Variants in RAB5C observed in about 807,000 individuals in gnomAD.
The protein encoded by RAB5C is RAB5C, member RAS oncogene family, also known as ras-related protein Rab-5C.
Under a neutral mutation model 25.2 loss-of-function variants are expected in RAB5C, and 4 were observed. That is an observed-to-expected ratio of 0.16 (90% CI 0.08 to 0.36). The LOEUF is 0.36. Among genes scored for constraint, RAB5C ranks in the 10% least tolerant of loss-of-function variants. The probability of loss-of-function intolerance (pLI) is 1.00; values close to 1 mark genes in which losing one functional copy is unlikely to be tolerated. For missense variants in RAB5C, 199 were observed against 283.8 expected, an observed-to-expected ratio of 0.70 and a Z score of 2.15; for synonymous variants, 100 against 106.4, an observed-to-expected ratio of 0.94 and a Z score of 0.37.
chr17:42,125,932 G>T, intron 5 of RAB5C, 34 bp from the exon 6 acceptor site: 2 of 1,509,014 alleles, frequency 1.3e-6, no homozygotes, highest in Non-Finnish European at 1.8e-6. Flanking sequence ...ATTTGTTGGG[G>T]GTACCCCAAT....
At chr17:42,152,027 G>A (rs1046274949) in intron 1 of RAB5C, among the ~76,000 whole-genome samples, 1 of 151,964 alleles carries the variant, frequency 6.6e-6, no homozygotes, top group African/African-American at 2.4e-5. Context: ...CCAAGCCCCA[G>A]CTCTACTACT....
rs143127260 is a variant in RAB5C at position 42,139,659 on chromosome 17, A to C, written c.-88-9069T>G. Among the ~76,000 whole-genome samples the C allele has an allele frequency of 2.9e-3, 439 of 152,244 alleles. 4 individuals are homozygous for C. Among genetic ancestry groups the C allele is most frequent in the African/African-American group, 0.01 (429 of 41,530 alleles). On this transcript the variant is annotated intron_variant, in intron 1 of 5. Transcript: ENST00000346213. ...TATTTTTTAGTAGAGATGGGGTTTC[A>C]CCATGTTAGTCAGGATGGTCTCGAT...
At chr17:42,151,622 G>A (rs959546310) in intron 1 of RAB5C, among the ~76,000 whole-genome samples, 9 of 120,374 alleles carry the variant, frequency 7.5e-5, no homozygotes, top group Admixed American at 5.0e-4. Context: ...CCAGAGGCCC[G>A]CTCTGTTGCT....
At chr17:42,128,456 C>G (rs2144062000) in intron 3 of RAB5C, 73 bp from the exon 4 acceptor site, 1 of 1,523,280 alleles carries the variant, frequency 6.6e-7, no homozygotes, top group East Asian at 2.4e-5. Flanking sequence ...TAGAGACTCT[C>G]AAGCTGGCAC....
intron 1 of RAB5C, among the ~76,000 whole-genome samples, chr17:42,148,418 A>AAAG (rs2079650386): frequency 1.3e-5 from 2 of 151,588 alleles, no homozygotes; most frequent in Admixed American, 1.3e-4. Flanking sequence ...AAAAAAAAAA[A>AAAG]AAAAAAAAGA....
intron 1 of RAB5C, among the ~76,000 whole-genome samples, chr17:42,147,862 C>T (rs1406309374): frequency 1.3e-5 from 2 of 151,798 alleles, no homozygotes; most frequent in African/African-American, 2.4e-5. Context: ...TTTGGGAGGC[C>T]GAGGCGGGTG....
At chr17:42,142,019 A>AC (rs2079605733) in intron 1 of RAB5C, among the ~76,000 whole-genome samples, 1 of 152,072 alleles carries the variant, frequency 6.6e-6, no homozygotes, top group African/African-American at 2.4e-5. Flanking sequence ...AGTTTCCTAG[A>AC]AGATACTCAG....
intron 1 of RAB5C, among the ~76,000 whole-genome samples, chr17:42,143,627 T>A (rs1227523568): frequency 0.014 from 2,122 of 151,980 alleles, 28 homozygotes; most frequent in African/African-American, 0.042. Context: ...ACAGAGTGAG[T>A]CTGTCTCCAA....
intron 5 of RAB5C, among the ~76,000 whole-genome samples, chr17:42,126,313 G>A (rs983582130): frequency 5.3e-5 from 8 of 152,108 alleles, no homozygotes; most frequent in African/African-American, 1.9e-4. Context: ...AGGTGATGAT[G>A]AAAACAATTT....
At position 42,130,513 on chromosome 17, in the gene RAB5C, G is replaced by A. The variant is rs1185414734; in HGVS notation, c.-11C>T. On this transcript the variant is annotated 5_prime_UTR_variant, in exon 2 of 6. Transcript: ENST00000346213. ...TCCCCGACCCGCCATTGCCCGTCCAGCTGTAGTGGTCCAGAGAGCGTGCGG... is the reference window on the plus strand; with the variant it reads ...TCCCCGACCCGCCATTGCCCGTCCAACTGTAGTGGTCCAGAGAGCGTGCGG... 3.7e-6 allele frequency: 6 copies of A among 1,613,896 alleles called. No individual in the cohort carries two copies. Among genetic ancestry groups the A allele is most frequent in the Non-Finnish European group, 5.1e-6 (6 of 1,179,992 alleles).
intron 1 of RAB5C, among the ~76,000 whole-genome samples, chr17:42,133,948 T>C (rs554969809): frequency 6.6e-6 from 1 of 152,342 alleles, no homozygotes; most frequent in South Asian, 2.1e-4. Flanking sequence ...GCCTGGTCAC[T>C]GATCCTGCCT....
At chr17:42,134,432 G>A (rs2054516020) in intron 1 of RAB5C, among the ~76,000 whole-genome samples, 1 of 152,064 alleles carries the variant, frequency 6.6e-6, no homozygotes, top group South Asian at 2.1e-4. Flanking sequence ...TTTTAAATTA[G>A]CCAACGTGGT....
chr17:42,137,438 A>G (rs1445187969), intron 1 of RAB5C, among the ~76,000 whole-genome samples: 3 of 152,228 alleles, frequency 2.0e-5, no homozygotes, highest in Non-Finnish European at 4.4e-5. Context: ...ACTATTATAC[A>G]TAAGTCACAT....
At chr17:42,131,610 A>C (rs1262216596) in intron 1 of RAB5C, 1 of 1,534,488 alleles carries the variant, frequency 6.5e-7, no homozygotes, top group Admixed American at 2.0e-5. Context: ...TAGAGACCTC[A>C]GTTCCATTCT....
Position 42,130,601 on chromosome 17 carries a change from G to C in RAB5C, c.-88-11C>G. 6.4e-7 allele frequency: 1 copy of C among 1,554,372 alleles called. No individual in the cohort carries two copies. The highest frequency in any genetic ancestry group is 8.7e-7 in the Non-Finnish European group (1 of 1,150,022). On this transcript the variant is annotated splice_polypyrimidine_tract_variant and intron_variant, in intron 1 of 5. Coordinates refer to ENST00000346213, the MANE Select transcript of RAB5C (RefSeq NM_004583.4). ...GAGGGGGACCTCCAACTGTAAGGGA[G>C]AAATGAGAAGTACTGAGTTAGTTCA...
intron 1 of RAB5C, among the ~76,000 whole-genome samples, chr17:42,145,749 CTG>C (rs2079631607): frequency 6.6e-6 from 1 of 152,202 alleles, no homozygotes; most frequent in South Asian, 2.1e-4. Context: ...GAGCAAGACT[CTG>C]TTAAAAAGAG....
chr17:42,125,973 G>A, intron 5 of RAB5C, 75 bp from the exon 6 acceptor site: 2 of 1,134,510 alleles, frequency 1.8e-6, no homozygotes, highest in Non-Finnish European at 2.6e-6. Flanking sequence ...AGCAGATTCT[G>A]GCCTTTATAC....
At chr17:42,152,845 G>T (rs544849163) in intron 1 of RAB5C, among the ~76,000 whole-genome samples, 1 of 152,072 alleles carries the variant, frequency 6.6e-6, no homozygotes, top group Admixed American at 6.5e-5. Flanking sequence ...AGAAAAGAAG[G>T]TCTCCTCAGA....
intron 1 of RAB5C, among the ~76,000 whole-genome samples, chr17:42,144,349 C>G (rs989977213): frequency 6.6e-6 from 1 of 151,872 alleles, no homozygotes; most frequent in African/African-American, 2.4e-5. Flanking sequence ...CCCAGCTACT[C>G]GGGAGGCTCA....
Sources: gnomAD v4.1 joint callset for allele counts (sites outside exome capture counted in the v4.1 genomes callset) on GRCh38, gnomAD v4.1.1 for gene constraint, MANE v1.5 for transcripts, NCBI Gene and HGNC (gene_info 2026-07-23, HGNC 2026-07-21) for gene names.